Variants in PDK1 observed in about 807,000 individuals in gnomAD.
The protein encoded by PDK1 is [Pyruvate dehydrogenase (acetyl-transferring)] kinase isozyme 1, mitochondrial.
A neutral mutation model predicts 54.2 loss-of-function variants in PDK1; 39 were observed. The ratio of observed to expected loss-of-function variants is 0.72; its 90% CI spans 0.56 to 0.94. The LOEUF (loss-of-function observed/expected upper bound fraction) is 0.94, where lower values mean the gene tolerates loss of function less well. PDK1 is among the 40% of genes least tolerant of loss of function. The pLI, the probability that PDK1 is intolerant of heterozygous loss-of-function variation, is 0.00. For missense variants in PDK1, 552 were observed against 566.0 expected (o/e 0.98, Z 0.25); for synonymous variants, 221 against 207.1 (o/e 1.07, Z -0.58).
At chr2:172,620,799 C>T in the PDK1 span, among the ~76,000 whole-genome samples, 4 of 152,118 alleles carry the variant, frequency 2.6e-5, no homozygotes, top group African/African-American at 9.7e-5. Flanking sequence ...TGCCTTCCAC[C>T]ATAAGTAAAA....
At chr2:172,623,217 A>C in the PDK1 span, among the ~76,000 whole-genome samples, 1 of 152,112 alleles carries the variant, frequency 6.6e-6, no homozygotes, top group East Asian at 1.9e-4. Flanking sequence ...GTTGTGAGGT[A>C]ATAAGCTTAA....
intron 8 of PDK1, among the ~76,000 whole-genome samples, chr2:172,583,025 T>C (rs1689996463): frequency 1.3e-5 from 2 of 152,228 alleles, no homozygotes; most frequent in Non-Finnish European, 1.5e-5. Flanking sequence ...CCAGGAAATA[T>C]TTACTCAAGT....
At chr2:172,579,292 A>G (rs1451808546) in intron 8 of PDK1, among the ~76,000 whole-genome samples, 1 of 152,148 alleles carries the variant, frequency 6.6e-6, no homozygotes, top group Non-Finnish European at 1.5e-5. Flanking sequence ...AGTCAGGTCA[A>G]ATAAATACAG....
chr2:172,623,410 CTT>C, the PDK1 span, among the ~76,000 whole-genome samples: 3 of 152,108 alleles, frequency 2.0e-5, no homozygotes, highest in African/African-American at 7.2e-5. Context: ...TGAATTGCCA[CTT>C]TTTGTTTTTT....
chr2:172,682,604 T>A, the PDK1 span, among the ~76,000 whole-genome samples: 1 of 152,214 alleles, frequency 6.6e-6, no homozygotes. Flanking sequence ...AGAGTGGCCA[T>A]TGGCTGAGAA....
chr2:172,671,085 T>C, the PDK1 span, among the ~76,000 whole-genome samples: 1 of 151,632 alleles, frequency 6.6e-6, no homozygotes, highest in Admixed American at 6.6e-5. Flanking sequence ...TGCCGTGTTT[T>C]GGGTGTCTTT....
At chr2:172,631,626 T>G in the PDK1 span, among the ~76,000 whole-genome samples, 1 of 152,212 alleles carries the variant, frequency 6.6e-6, no homozygotes, top group Admixed American at 6.5e-5. Flanking sequence ...TCACAGAAAG[T>G]CATTCTTCTC....
intron 2 of PDK1, among the ~76,000 whole-genome samples, chr2:172,559,080 C>G (rs1688516294): frequency 6.6e-6 from 1 of 152,192 alleles, no homozygotes; most frequent in East Asian, 1.9e-4. Flanking sequence ...TCCCGAGTAA[C>G]TGGGATTACA....
At chr2:172,584,830 G>GTTTT (rs1273636309) in intron 8 of PDK1, among the ~76,000 whole-genome samples, 3 of 116,490 alleles carry the variant, frequency 2.6e-5, no homozygotes, top group Admixed American at 9.1e-5. Context: ...TAATTTTAAA[G>GTTTT]TTTTTTTTTT....
chr2:172,624,132 G>A, the PDK1 span, among the ~76,000 whole-genome samples: 5 of 152,270 alleles, frequency 3.3e-5, no homozygotes, highest in South Asian at 2.1e-4. Flanking sequence ...CTTCATCCAC[G>A]TGGACTATGA....
At chr2:172,665,852 G>A in the PDK1 span, among the ~76,000 whole-genome samples, 8 of 152,286 alleles carry the variant, frequency 5.3e-5, no homozygotes, top group African/African-American at 1.7e-4. Context: ...GTCAGACTGA[G>A]CTAGCAAAGC....
At chr2:172,567,567 C>G (rs887092073) in intron 6 of PDK1, among the ~76,000 whole-genome samples, 5 of 152,184 alleles carry the variant, frequency 3.3e-5, no homozygotes, top group Non-Finnish European at 7.3e-5. Context: ...AAGCTGTATT[C>G]TGGACCTTAG....
chr2:172,671,438 A>G, the PDK1 span, among the ~76,000 whole-genome samples: 1 of 151,062 alleles, frequency 6.6e-6, no homozygotes, highest in Non-Finnish European at 1.5e-5. Flanking sequence ...ACCAAAATAG[A>G]TTGGAATGTA....
At chr2:172,701,027 A>AGGAGAGGAG in the PDK1 span, among the ~76,000 whole-genome samples, 232 of 151,886 alleles carry the variant, frequency 1.5e-3, 1 homozygote, top group African/African-American at 5.3e-3. Flanking sequence ...GGAGGAGAGG[A>AGGAGAGGAG]GGAGAGGAGG....
At chr2:172,617,052 C>T in the PDK1 span, among the ~76,000 whole-genome samples, 34 of 152,222 alleles carry the variant, frequency 2.2e-4, 1 homozygote, top group East Asian at 6.0e-3. Flanking sequence ...TGGGTTCAAG[C>T]GATTCTCCTG....
the PDK1 span, among the ~76,000 whole-genome samples, chr2:172,648,290 AAGAT>A: frequency 6.6e-6 from 1 of 152,230 alleles, no homozygotes; most frequent in Non-Finnish European, 1.5e-5. Context: ...AGGTCAGTGA[AAGAT>A]ATATATTAGT....
At chr2:172,568,427 T>G (rs1689077446) in intron 6 of PDK1, among the ~76,000 whole-genome samples, 2 of 151,214 alleles carry the variant, frequency 1.3e-5, no homozygotes, top group African/African-American at 4.9e-5. Flanking sequence ...ATTTGGAAAG[T>G]AAAATTCCTA....
chr2:172,579,899 G>GT (rs1299396961), intron 8 of PDK1, among the ~76,000 whole-genome samples: 10 of 151,766 alleles, frequency 6.6e-5, no homozygotes, highest in Non-Finnish European at 1.3e-4. Context: ...ATCACTCCCT[G>GT]TTTTTTATCG....
chr2:172,653,460 G>T, the PDK1 span, among the ~76,000 whole-genome samples: 1 of 152,018 alleles, frequency 6.6e-6, no homozygotes, highest in Non-Finnish European at 1.5e-5. Context: ...AATGTCAGCC[G>T]GGCATGGTCG....
Sources: allele counts gnomAD v4.1 joint callset (sites outside exome capture counted in the v4.1 genomes callset), GRCh38; gene constraint gnomAD v4.1.1; transcripts MANE v1.5; gene names NCBI Gene and HGNC (gene_info 2026-07-23, HGNC 2026-07-21).